Variants in FAM3B observed in about 807,000 individuals in gnomAD.
FAM3B encodes the protein protein FAM3B.
FAM3B carries 29 observed loss-of-function variants against 28.4 expected under a neutral mutation model. The ratio of observed to expected loss-of-function variants is 1.02; its 90% confidence interval spans 0.76 to 1.39. FAM3B has a LOEUF of 1.39. Among genes scored for constraint, FAM3B ranks in the 40% most tolerant of loss-of-function variants. FAM3B has a pLI of 0.00. For missense variants in FAM3B, 266 were observed against 293.9 expected, an observed-to-expected ratio of 0.91 and a Z score of 0.69; for synonymous variants, 91 against 103.0, an observed-to-expected ratio of 0.88 and a Z score of 0.71.
chr21:41,339,711 G>A (rs1651029277), intron 3 of FAM3B, among the ~76,000 whole-genome samples: 1 of 152,152 alleles, frequency 6.6e-6, no homozygotes, highest in Non-Finnish European at 1.5e-5. Flanking sequence ...AAAAAATGTT[G>A]TTTGCAGTTC....
chr21:41,337,365 A>T (rs1456623560), intron 2 of FAM3B, among the ~76,000 whole-genome samples: 2 of 152,196 alleles, frequency 1.3e-5, no homozygotes, highest in African/African-American at 4.8e-5. Flanking sequence ...TGATGCAGTG[A>T]AAGATGTGTG....
rs2088941102 is a variant in FAM3B, at chr21:41,334,993, G to A, written c.164-3385G>A. Among the ~76,000 whole-genome samples the A allele has an allele frequency of 2.0e-5, 3 of 152,208 alleles. No homozygotes were observed. In the South Asian group the frequency reaches 6.2e-4, roughly 32 times the overall value. On this transcript the variant is annotated intron_variant, in intron 2 of 7. Coordinates refer to ENST00000357985, the MANE Select transcript of FAM3B (RefSeq NM_058186.4). ...TTGGAGCTTTTAAGATTTGATAACTGCCCTGCTGGGTTTTGGACTCGTGTG... is the reference window on the plus strand; with the variant it reads ...TTGGAGCTTTTAAGATTTGATAACTACCCTGCTGGGTTTTGGACTCGTGTG...
chr21:41,306,993 A>G (rs2088686138), intron 1 of FAM3B, among the ~76,000 whole-genome samples: 1 of 152,242 alleles, frequency 6.6e-6, no homozygotes, highest in South Asian at 2.1e-4. Flanking sequence ...AGCCCTAACA[A>G]AAGAGTTAGC....
intron 2 of FAM3B, among the ~76,000 whole-genome samples, chr21:41,334,175 A>C (rs1303767084): frequency 6.6e-6 from 1 of 152,210 alleles, no homozygotes; most frequent in African/African-American, 2.4e-5. Context: ...AAAAGTTTGG[A>C]AAATGTGCAG....
At chr21:41,307,110 A>G (rs9976216) in intron 1 of FAM3B, among the ~76,000 whole-genome samples, 32,436 of 152,108 alleles carry the variant, frequency 0.21, 3,910 homozygotes, top group East Asian at 0.54. Context: ...AAAATTTGTT[A>G]GTGTAGCCGC....
At chr21:41,316,423 G>A (rs1030165876), upstream of FAM3B, among the ~76,000 whole-genome samples, 2 of 152,234 alleles carry the variant, frequency 1.3e-5, no homozygotes, top group African/African-American at 4.8e-5. Context: ...GGACATGGAC[G>A]GCGAACTTGG....
At chr21:41,346,953 C>G in intron 5 of FAM3B, 60 bp from the exon 6 acceptor site, 1 of 1,495,458 alleles carries the variant, frequency 6.7e-7, no homozygotes, top group African/African-American at 1.4e-5. Context: ...AAGCCCAGCA[C>G]CCAAGGCAGA....
chr21:41,315,669 T>C (rs887358269), upstream of FAM3B, among the ~76,000 whole-genome samples: 3 of 152,150 alleles, frequency 2.0e-5, no homozygotes, highest in African/African-American at 7.2e-5. Flanking sequence ...TTAGGAAGGA[T>C]TCCTTACTGT....
intron 2 of FAM3B, among the ~76,000 whole-genome samples, chr21:41,323,721 G>A (rs2088831302): frequency 6.6e-6 from 1 of 152,194 alleles, no homozygotes; most frequent in African/African-American, 2.4e-5. Context: ...CTTAACGCAT[G>A]AACAAATGAG....
At chr21:41,328,433 C>A (rs1429414855) in intron 2 of FAM3B, among the ~76,000 whole-genome samples, 1 of 152,100 alleles carries the variant, frequency 6.6e-6, no homozygotes, top group Non-Finnish European at 1.5e-5. Context: ...AAAAAATAGT[C>A]CATTTATAGC....
intron 2 of FAM3B, among the ~76,000 whole-genome samples, chr21:41,331,324 G>A (rs575283608): frequency 6.6e-6 from 1 of 152,228 alleles, no homozygotes; most frequent in African/African-American, 2.4e-5. Context: ...TTCCTTGTAT[G>A]TTTTGGATAT....
At chr21:41,321,784 C>T (rs1212398406) in intron 1 of FAM3B, among the ~76,000 whole-genome samples, 4 of 152,276 alleles carry the variant, frequency 2.6e-5, no homozygotes, top group South Asian at 4.1e-4. Flanking sequence ...GGGACAGCTG[C>T]GCTCCTGAGA....
chr21:41,327,246 C>T (rs1601355535), intron 2 of FAM3B, among the ~76,000 whole-genome samples: 1 of 152,200 alleles, frequency 6.6e-6, no homozygotes, highest in African/African-American at 2.4e-5. Context: ...ACCACGGATT[C>T]TTTTATAAAT....
chr21:41,314,898 T>C (rs1322038241), upstream of FAM3B, among the ~76,000 whole-genome samples: 4 of 152,066 alleles, frequency 2.6e-5, no homozygotes, highest in African/African-American at 9.7e-5. Flanking sequence ...AAATTAAGAA[T>C]AGAATTATCG....
Position 41,348,618 on chromosome 21 carries a change from T to C in FAM3B, c.512T>C (p.Ile171Thr), listed in dbSNP as rs1013652090. The stretch of plus-strand genomic sequence containing the variant: ...CTGAATAACGATGCCAAGAATGCCA[T>C]AGAAGCACTTGGAAGTAAAGAAATC... ...TRLNNDAKNA[I>T]EALGSKEIRN... Residue 171 changes from isoleucine (I) to threonine (T), a missense_variant, in exon 7 of 8, where the codon ATA becomes ACA. Physicochemically the swap from Ile to Thr is moderately conservative, Grantham distance 89 (BLOSUM62 -1). Transcript: ENST00000357985. The C allele has an allele frequency of 4.3e-6, 7 of 1,614,188 alleles. No individual in the cohort carries two copies. Among genetic ancestry groups the C allele is most frequent in the South Asian group, 3.3e-5 (3 of 91,086 alleles).
At position 41,308,147 on chromosome 21, in the gene FAM3B, T is replaced by C. The variant is rs146289245; in HGVS notation, n.99+3837T>C. Among the ~76,000 whole-genome samples the C allele has an allele frequency of 4.0e-3, 616 of 152,364 alleles. 3 individuals carry two copies. The highest frequency in any genetic ancestry group is 0.031 in the Middle Eastern group (9 of 294). On this transcript the variant is annotated intron_variant and non_coding_transcript_variant, in intron 1 of 9. Transcript: ENST00000479810. ...AGCCAGTTTTTCTCTTGATGTCTTA[T>C]GACAGTGAGAGATAAAATAACCCAT...
At chr21:41,308,201 G>A (rs2088691599) in intron 1 of FAM3B, among the ~76,000 whole-genome samples, 1 of 152,168 alleles carries the variant, frequency 6.6e-6, no homozygotes, top group South Asian at 2.1e-4. Context: ...GACCACTTAT[G>A]GGATGCCTCA....
chr21:41,329,358 G>A (rs2088884474), intron 2 of FAM3B, among the ~76,000 whole-genome samples: 1 of 152,108 alleles, frequency 6.6e-6, no homozygotes, highest in African/African-American at 2.4e-5. Context: ...TCCCACGGGG[G>A]ACGTGAATCC....
chr21:41,349,609 C>T (rs185597969), intron 7 of FAM3B, among the ~76,000 whole-genome samples: 25 of 152,228 alleles, frequency 1.6e-4, no homozygotes, highest in Admixed American at 1.2e-3. Context: ...GCTGTGGATA[C>T]GGGTCTGGGA....
Sources: allele counts gnomAD v4.1 joint callset (sites outside exome capture counted in the v4.1 genomes callset), GRCh38; gene constraint gnomAD v4.1.1; transcripts MANE v1.5; gene names NCBI Gene and HGNC (gene_info 2026-07-23, HGNC 2026-07-21).